SHLD2: variants seen among roughly 807,000 people sequenced by gnomAD.
SHLD2 encodes the protein shieldin complex subunit 2.
In SHLD2, 30 loss-of-function variants were observed where a neutral mutation model predicts 73.2. The ratio of observed to expected loss-of-function variants is 0.41; its 90% CI spans 0.31 to 0.56. The LOEUF (loss-of-function observed/expected upper bound fraction) is 0.56. Among genes scored for constraint, SHLD2 ranks in the 20% least tolerant of loss-of-function variants. The pLI is 0.28. For missense variants in SHLD2, 745 were observed against 1,055.9 expected, an observed-to-expected ratio of 0.71 and a Z score of 4.08; for synonymous variants, 285 against 370.1, an observed-to-expected ratio of 0.77 and a Z score of 2.64.
intron 2 of SHLD2, chr10:87,114,246 G>A (rs558610338): frequency 6.6e-6 from 1 of 152,272 alleles, no homozygotes; most frequent in East Asian, 1.9e-4. Flanking sequence ...TAGATTCCCA[G>A]CATATCAATT....
intron 2 of SHLD2, among the ~76,000 whole-genome samples, chr10:87,136,246 T>C (rs1844791339): frequency 6.6e-6 from 1 of 152,186 alleles, no homozygotes; most frequent in Non-Finnish European, 1.5e-5. Context: ...GATATACCAC[T>C]GTCAGTGTAT....
intron 2 of SHLD2, among the ~76,000 whole-genome samples, chr10:87,108,420 A>C (rs1842732194): frequency 6.6e-6 from 1 of 151,868 alleles, no homozygotes; most frequent in Non-Finnish European, 1.5e-5. Flanking sequence ...CCCTAACCTC[A>C]AGTGATCCAC....
At position 87,170,583 on chromosome 10, in the gene SHLD2, A is replaced by C; in HGVS notation, c.1739A>C (p.Asn580Thr). 6.2e-7 allele frequency: 1 copy of C among 1,613,704 alleles called. No homozygotes were observed. Among genetic ancestry groups the C allele is most frequent in the Non-Finnish European group, 8.5e-7 (1 of 1,179,792 alleles). Reference sequence around the variant, plus strand: ...CCTCCGAGGCAGCCTCAGAGGGTGAACAGTATAGACTTTGTAGAATTGGAG... The same window carrying C: ...CCTCCGAGGCAGCCTCAGAGGGTGACCAGTATAGACTTTGTAGAATTGGAG... ...DLPPRQPQRV[N>T]SIDFVELEHL... Residue 580 changes from asparagine to threonine, a missense_variant, in exon 5 of 10, where the codon AAC (asparagine) becomes ACC (threonine). Physicochemically the swap from Asn to Thr is moderately conservative, Grantham distance 65 (BLOSUM62 0). Around this residue, in one of 5 missense-constraint regions of SHLD2, gnomAD observed 418 missense variants for 567.8 expected, o/e 0.74. Transcript: ENST00000298786.
intron 2 of SHLD2, among the ~76,000 whole-genome samples, chr10:87,143,212 T>A (rs1384165359): frequency 6.6e-6 from 1 of 152,074 alleles, no homozygotes; most frequent in East Asian, 1.9e-4. Context: ...GTACTGTAAT[T>A]ACAAGCTTGA....
At chr10:87,105,512 T>C (rs1013453773) in intron 2 of SHLD2, among the ~76,000 whole-genome samples, 1 of 152,216 alleles carries the variant, frequency 6.6e-6, no homozygotes, top group African/African-American at 2.4e-5. Context: ...TTCCTTAGGA[T>C]GCCTTGACCC....
chr10:87,111,821 T>G (rs181436130), intron 2 of SHLD2, among the ~76,000 whole-genome samples: 1 of 151,760 alleles, frequency 6.6e-6, no homozygotes, highest in African/African-American at 2.4e-5. Context: ...ATTAAGAAAG[T>G]GAAAAGACAA....
chr10:87,146,132 T>G (rs565014495), intron 2 of SHLD2, among the ~76,000 whole-genome samples: 1 of 152,244 alleles, frequency 6.6e-6, no homozygotes, highest in Non-Finnish European at 1.5e-5. Context: ...AAATTTTTTT[T>G]GGGGGTGGTG....
chr10:87,105,114 A>G (rs1369117086), intron 2 of SHLD2, among the ~76,000 whole-genome samples: 1 of 152,224 alleles, frequency 6.6e-6, no homozygotes, highest in Non-Finnish European at 1.5e-5. Context: ...AGCTCTGTTT[A>G]ATGATGTGGA....
At chr10:87,173,187 C>T (rs974998756) in intron 6 of SHLD2, among the ~76,000 whole-genome samples, 3 of 151,086 alleles carry the variant, frequency 2.0e-5, no homozygotes, top group African/African-American at 4.9e-5. Flanking sequence ...GCCGTCATGC[C>T]CAGCTTATTT....
chr10:87,108,610 C>A (rs1286414491), intron 2 of SHLD2, among the ~76,000 whole-genome samples: 1 of 152,130 alleles, frequency 6.6e-6, no homozygotes, highest in Non-Finnish European at 1.5e-5. Flanking sequence ...TGGCCAACTT[C>A]ATTTCTAAAT....
intron 8 of SHLD2, among the ~76,000 whole-genome samples, chr10:87,180,889 T>A (rs1387681540): frequency 6.6e-6 from 1 of 152,230 alleles, no homozygotes. Flanking sequence ...CTCCTTATGA[T>A]TATTTCTAAA....
chr10:87,170,722 T>C, intron 5 of SHLD2, 50 bp downstream of exon 5: 1 of 1,565,942 alleles, frequency 6.4e-7, no homozygotes, highest in Non-Finnish European at 8.6e-7. Flanking sequence ...AAAATTAAGA[T>C]ACAAGACCAT....
At chr10:87,113,153 C>T (rs1295062027) in intron 2 of SHLD2, among the ~76,000 whole-genome samples, 4 of 152,046 alleles carry the variant, frequency 2.6e-5, no homozygotes, top group African/African-American at 9.7e-5. Flanking sequence ...GGAGAAACCC[C>T]ATCTCTACTA....
intron 7 of SHLD2, among the ~76,000 whole-genome samples, chr10:87,179,604 T>C (rs1329592984): frequency 6.6e-6 from 1 of 152,194 alleles, no homozygotes; most frequent in Admixed American, 6.5e-5. Flanking sequence ...GGTTTCACCA[T>C]GTTAGCCAGG....
At chr10:87,129,708 T>C (rs1844289843) in intron 2 of SHLD2, among the ~76,000 whole-genome samples, 1 of 151,948 alleles carries the variant, frequency 6.6e-6, no homozygotes, top group South Asian at 2.1e-4. Flanking sequence ...ACAGCTTTGA[T>C]TGCTCAGGCT....
chr10:87,160,748 G>C (rs1166602553), intron 4 of SHLD2, among the ~76,000 whole-genome samples: 1 of 152,226 alleles, frequency 6.6e-6, no homozygotes, highest in Admixed American at 6.5e-5. Context: ...CCAGCACTTT[G>C]GGAGGCCAAG....
intron 2 of SHLD2, among the ~76,000 whole-genome samples, chr10:87,097,782 GA>G (rs1312202076): frequency 6.6e-6 from 1 of 151,706 alleles, no homozygotes; most frequent in African/African-American, 2.4e-5. Context: ...GTTTTTTTGA[GA>G]CAGTCTTGCT....
chr10:87,188,001 A>G (rs1489138096), intron 9 of SHLD2, among the ~76,000 whole-genome samples: 1 of 152,134 alleles, frequency 6.6e-6, no homozygotes, highest in Non-Finnish European at 1.5e-5. Context: ...CTGCTCCACC[A>G]TCAGCATAGC....
At chr10:87,120,472 C>T (rs943548741) in intron 2 of SHLD2, among the ~76,000 whole-genome samples, 2 of 151,830 alleles carry the variant, frequency 1.3e-5, no homozygotes, top group African/African-American at 4.8e-5. Flanking sequence ...TGGTCTCGAT[C>T]TCCTGACCTC....
Sources: allele counts gnomAD v4.1 joint callset (sites outside exome capture counted in the v4.1 genomes callset), GRCh38; gene constraint gnomAD v4.1.1; regional missense constraint gnomAD v4.1.1; transcripts MANE v1.5; gene names NCBI Gene and HGNC (gene_info 2026-07-23, HGNC 2026-07-21).